Variants in PDS5A observed in about 807,000 individuals in gnomAD.
PDS5A encodes the protein PDS5 cohesin associated factor A, also known as sister chromatid cohesion protein PDS5 homolog A.
PDS5A carries 42 observed loss-of-function variants against 167.1 expected under a neutral mutation model. That is an observed-to-expected ratio of 0.25 (90% CI 0.20 to 0.33). The LOEUF (loss-of-function observed/expected upper bound fraction) is 0.33, where lower values mean the gene tolerates loss of function less well. PDS5A is among the 10% of genes least tolerant of loss of function. The pLI is 1.00. For synonymous variants in PDS5A, 553 were observed against 554.6 expected (o/e 1.00, Z 0.04); for missense variants, 1,033 against 1,605.9 (o/e 0.64, Z 6.10).
chr4:39,941,987 C>A (rs1244548497), intron 2 of PDS5A, among the ~76,000 whole-genome samples: 3 of 152,118 alleles, frequency 2.0e-5, no homozygotes, highest in Non-Finnish European at 4.4e-5. Context: ...CATTTAGATT[C>A]CATTGCCAAA....
chr4:39,919,970 G>A (rs1023394220), intron 7 of PDS5A, among the ~76,000 whole-genome samples: 5 of 150,424 alleles, frequency 3.3e-5, no homozygotes, highest in South Asian at 2.1e-4. Flanking sequence ...AACATTACAG[G>A]ACTTCAGAAG....
intron 31 of PDS5A, among the ~76,000 whole-genome samples, chr4:39,841,366 T>C (rs955491870): frequency 6.6e-6 from 1 of 152,114 alleles, no homozygotes; most frequent in African/African-American, 2.4e-5. Flanking sequence ...CTCAAACTAC[T>C]CACCTCATGA....
intron 2 of PDS5A, among the ~76,000 whole-genome samples, chr4:39,955,951 C>A (rs556143542): frequency 6.6e-6 from 1 of 151,904 alleles, no homozygotes; most frequent in Non-Finnish European, 1.5e-5. Flanking sequence ...CCCATCTCTA[C>A]TAAAAATACA....
At chr4:39,956,821 T>G (rs557719347) in intron 2 of PDS5A, among the ~76,000 whole-genome samples, 128 of 152,010 alleles carry the variant, frequency 8.4e-4, no homozygotes, top group Non-Finnish European at 1.7e-3. Flanking sequence ...TATAGGCGCC[T>G]GCACCACATC....
intron 7 of PDS5A, among the ~76,000 whole-genome samples, chr4:39,919,922 T>C (rs1423645503): frequency 6.6e-6 from 1 of 151,138 alleles, no homozygotes; most frequent in Non-Finnish European, 1.5e-5. Flanking sequence ...AATAAATCTC[T>C]GTAATCTTAA....
chr4:39,934,552 T>C (rs924563384), intron 2 of PDS5A, among the ~76,000 whole-genome samples: 5 of 152,072 alleles, frequency 3.3e-5, no homozygotes, highest in African/African-American at 1.2e-4. Flanking sequence ...TTTTTTCCTG[T>C]GGATTGTGTT....
chr4:39,871,164 A>T (rs1273523884), intron 21 of PDS5A, among the ~76,000 whole-genome samples: 1 of 152,124 alleles, frequency 6.6e-6, no homozygotes, highest in East Asian at 1.9e-4. Context: ...ATGGGTACAG[A>T]GTTTCTGTAT....
intron 17 of PDS5A, among the ~76,000 whole-genome samples, chr4:39,889,473 A>G (rs372784076): frequency 1.1e-3 from 164 of 152,380 alleles, no homozygotes; most frequent in African/African-American, 3.8e-3. Context: ...AAGCTTGGGT[A>G]CTGGAACTGA....
intron 2 of PDS5A, among the ~76,000 whole-genome samples, chr4:39,975,134 C>G (rs1730963907): frequency 6.7e-6 from 1 of 149,134 alleles, no homozygotes; most frequent in Non-Finnish European, 1.5e-5. Flanking sequence ...AAAAATTTAG[C>G]CGGGTGTGGT....
intron 32 of PDS5A, among the ~76,000 whole-genome samples, chr4:39,834,170 G>T (rs531002445): frequency 6.8e-6 from 1 of 146,402 alleles, no homozygotes; most frequent in South Asian, 2.2e-4. Context: ...GGGCAAGAGA[G>T]CCAGATATTG....
chr4:39,937,147 T>G (rs1473949561), intron 2 of PDS5A, among the ~76,000 whole-genome samples: 1 of 152,086 alleles, frequency 6.6e-6, no homozygotes, highest in Non-Finnish European at 1.5e-5. Flanking sequence ...GAACTCAATC[T>G]CCAGCCTCCC....
At chr4:39,919,594 G>A (rs950482166) in intron 7 of PDS5A, among the ~76,000 whole-genome samples, 8 of 152,156 alleles carry the variant, frequency 5.3e-5, no homozygotes, top group African/African-American at 1.9e-4. Flanking sequence ...GCAATGAGCC[G>A]AGAATGCACC....
rs35374040 is a variant in PDS5A at position 39,972,674 on chromosome 4, C to CT, written c.138+3765dup. Among the ~76,000 whole-genome samples, 444 of 144,430 alleles carry CT rather than the reference C, an allele frequency of 3.1e-3. 3 individuals carry two copies. The highest frequency in any genetic ancestry group is 9.4e-3 in the South Asian group (43 of 4,580). 94.8% of individuals were successfully genotyped at this position (144,430 alleles called of 152,430 possible). A position where few individuals can be genotyped will look rare whatever the true frequency, so the allele number is the denominator to read the frequency against. On this transcript the variant is annotated intron_variant, in intron 2 of 32. Coordinates refer to ENST00000303538, the MANE Select transcript of PDS5A (RefSeq NM_001100399.2). The stretch of plus-strand genomic sequence containing the variant: ...GCCCCTGTACCCAACCACAACTTTC[C>CT]TTTTTTTTTTTTTCACTGTTTAAGG...
chr4:39,895,789 C>G (rs1722354778), intron 16 of PDS5A, among the ~76,000 whole-genome samples: 1 of 152,100 alleles, frequency 6.6e-6, no homozygotes, highest in Non-Finnish European at 1.5e-5. Flanking sequence ...ATGATCTCAG[C>G]TCATTACAAG....
intron 32 of PDS5A, among the ~76,000 whole-genome samples, chr4:39,833,473 C>T (rs1716112450): frequency 6.6e-6 from 1 of 152,206 alleles, no homozygotes; most frequent in East Asian, 1.9e-4. Flanking sequence ...ACTGTAGCCT[C>T]GACCTCCCAG....
chr4:39,913,778 G>T, intron 8 of PDS5A, 52 bp from the exon 9 acceptor site: 1 of 930,060 alleles, frequency 1.1e-6, no homozygotes, highest in Non-Finnish European at 1.8e-6. Flanking sequence ...CCAGATTACA[G>T]AAAATATCTT....
chr4:39,938,883 T>C (rs144579158), intron 2 of PDS5A, among the ~76,000 whole-genome samples: 37 of 151,588 alleles, frequency 2.4e-4, no homozygotes, highest in African/African-American at 8.0e-4. Flanking sequence ...GGCAGAAGAA[T>C]CGCTTGAACC....
At chr4:39,833,215 AAG>A (rs1491298001) in intron 32 of PDS5A, among the ~76,000 whole-genome samples, 1 of 147,950 alleles carries the variant, frequency 6.8e-6, no homozygotes, top group Non-Finnish European at 1.5e-5. Flanking sequence ...AAAAAAAAAA[AAG>A]AAAAAAGTTT....
At chr4:39,892,521 T>C (rs1301086329) in intron 16 of PDS5A, among the ~76,000 whole-genome samples, 2 of 152,242 alleles carry the variant, frequency 1.3e-5, no homozygotes, top group Admixed American at 1.3e-4. Flanking sequence ...GAAGAAGCCA[T>C]TCCTGGACCT....
Sources: allele counts gnomAD v4.1 joint callset (sites outside exome capture counted in the v4.1 genomes callset), GRCh38; gene constraint gnomAD v4.1.1; transcripts MANE v1.5; gene names NCBI Gene and HGNC (gene_info 2026-07-23, HGNC 2026-07-21).